GPC5: variants seen among roughly 807,000 people sequenced by gnomAD.
GPC5 encodes glypican 5, also known as glypican-5.
GPC5 carries 47 observed loss-of-function variants against 53.9 expected under a neutral mutation model. That is an observed-to-expected ratio of 0.87 (90% CI 0.69 to 1.11). The LOEUF (loss-of-function observed/expected upper bound fraction) is 1.11. Ranked by LOEUF, GPC5 falls within the 50% of genes most tolerant of loss-of-function variation. The pLI is 0.00. For missense variants in GPC5, 748 were observed against 713.1 expected (o/e 1.05, Z -0.56); for synonymous variants, 286 against 263.3 (o/e 1.09, Z -0.84).
chr13:91,727,714 T>C (rs1050874131), intron 3 of GPC5, among the ~76,000 whole-genome samples: 2 of 152,274 alleles, frequency 1.3e-5, no homozygotes, highest in Non-Finnish European at 2.9e-5. Flanking sequence ...TTTTAAGGTC[T>C]CAATATAAAG....
At chr13:91,468,533 C>G (rs1219707979) in intron 2 of GPC5, among the ~76,000 whole-genome samples, 1 of 152,142 alleles carries the variant, frequency 6.6e-6, no homozygotes, top group Admixed American at 6.6e-5. Context: ...GGAATGCCAT[C>G]TTCAAGTCAG....
At chr13:92,700,981 T>C (rs992172170) in intron 7 of GPC5, among the ~76,000 whole-genome samples, 1 of 152,110 alleles carries the variant, frequency 6.6e-6, no homozygotes, top group African/African-American at 2.4e-5. Flanking sequence ...GGTGATGAAA[T>C]TCACATGATA....
intron 7 of GPC5, among the ~76,000 whole-genome samples, chr13:92,751,302 T>TAAAAAA (rs1566400471): frequency 0.018 from 618 of 34,344 alleles, 84 homozygotes; most frequent in East Asian, 0.097. Flanking sequence ...CCAGAAACAT[T>TAAAAAA]TAAAAAAAAA....
At chr13:91,456,904 A>G (rs1292145488) in intron 2 of GPC5, among the ~76,000 whole-genome samples, 1 of 149,156 alleles carries the variant, frequency 6.7e-6, no homozygotes, top group African/African-American at 2.5e-5. Context: ...TATTATTTCT[A>G]TGCAGTAAAA....
Position 92,663,856 on chromosome 13 carries a change from CTATATA to C in GPC5, c.1562-202383_1562-202378del, listed in dbSNP as rs201565650. 3.8e-3 allele frequency among the ~76,000 whole-genome samples: 337 copies of C among 88,306 alleles called. 2 individuals are homozygous for C. The highest frequency in any genetic ancestry group is 0.013 in the African/African-American group (275 of 20,672). 57.9% of individuals were successfully genotyped at this position (88,306 alleles called of 152,430 possible). On this transcript the variant is annotated intron_variant, in intron 7 of 7. Coordinates refer to ENST00000377067, the MANE Select transcript of GPC5 (RefSeq NM_004466.6). Reference sequence around the variant, plus strand: ...CACTATATATATATACACACACACACTATATATATATATATATATATATATATATAT... The same window carrying C: ...CACTATATATATATACACACACACACTATATATATATATATATATATATAT...
At chr13:91,797,080 A>G (rs1163909877) in intron 5 of GPC5, among the ~76,000 whole-genome samples, 1 of 152,062 alleles carries the variant, frequency 6.6e-6, no homozygotes, top group African/African-American at 2.4e-5. Context: ...AGAGTCACAT[A>G]AATTATCTCA....
intron 7 of GPC5, among the ~76,000 whole-genome samples, chr13:92,748,038 G>A (rs757742084): frequency 3.3e-5 from 5 of 152,134 alleles, no homozygotes; most frequent in South Asian, 4.2e-4. Flanking sequence ...GGTAGTCTGT[G>A]AATTATATGA....
chr13:92,745,035 T>C (rs1408053648), intron 7 of GPC5, among the ~76,000 whole-genome samples: 3 of 152,048 alleles, frequency 2.0e-5, no homozygotes, highest in Admixed American at 6.6e-5. Context: ...AACTGTAAAA[T>C]TATAAAAAAT....
chr13:92,423,902 A>G (rs1353632922), intron 7 of GPC5, among the ~76,000 whole-genome samples: 2 of 152,172 alleles, frequency 1.3e-5, no homozygotes, highest in Non-Finnish European at 2.9e-5. Flanking sequence ...CGTTAAACAG[A>G]TAAAAATTTA....
chr13:92,387,816 A>G (rs773894146), intron 7 of GPC5, among the ~76,000 whole-genome samples: 1 of 152,140 alleles, frequency 6.6e-6, no homozygotes, highest in Non-Finnish European at 1.5e-5. Context: ...GGAGATAATT[A>G]TAACTTCTAA....
chr13:91,618,529 T>C (rs2033761968), intron 2 of GPC5, among the ~76,000 whole-genome samples: 1 of 152,114 alleles, frequency 6.6e-6, no homozygotes, highest in African/African-American at 2.4e-5. Context: ...GCCCGGTTCA[T>C]GTGCTTTGCT....
chr13:91,516,450 C>T (rs1566468689), intron 2 of GPC5, among the ~76,000 whole-genome samples: 1 of 152,248 alleles, frequency 6.6e-6, no homozygotes, highest in Admixed American at 6.5e-5. Context: ...CAAGTTCTCA[C>T]ATCCAGGTCA....
intron 7 of GPC5, among the ~76,000 whole-genome samples, chr13:92,417,606 C>T (rs1261714762): frequency 6.6e-6 from 1 of 152,114 alleles, no homozygotes; most frequent in Non-Finnish European, 1.5e-5. Context: ...GGTGTGGTGG[C>T]TCATGGTTGT....
intron 6 of GPC5, among the ~76,000 whole-genome samples, chr13:92,063,531 C>T (rs2041141090): frequency 6.6e-6 from 1 of 151,958 alleles, no homozygotes; most frequent in Non-Finnish European, 1.5e-5. Flanking sequence ...ATTATCTACT[C>T]CTACCATGCT....
Position 92,701,606 on chromosome 13 carries a change from A to C in GPC5, c.1562-164676A>C, listed in dbSNP as rs115983569. 117 of 152,250 alleles carry C rather than the reference A, an allele frequency of 7.7e-4. 1 individual carries two copies. The highest frequency in any genetic ancestry group is 2.5e-3 in the African/African-American group (105 of 41,560). 9.4% of individuals were successfully genotyped at this position (152,250 alleles called of 1,614,324 possible). On this transcript the variant is annotated intron_variant, in intron 7 of 7. Coordinates refer to ENST00000377067, the MANE Select transcript of GPC5 (RefSeq NM_004466.6). ...CAGCTGCATATTGATATGATTAGAC[A>C]TAAGAGCTATTAAGTATCACAGATT...
intron 7 of GPC5, among the ~76,000 whole-genome samples, chr13:92,694,520 T>G (rs545431127): frequency 2.8e-4 from 43 of 152,276 alleles, no homozygotes; most frequent in African/African-American, 1.0e-3. Context: ...GCTTTAAGAT[T>G]TAATGACTGC....
chr13:91,399,181 CAG>C lies in GPC5; in HGVS notation c.136_137del (p.Arg46GlyfsTer11), dbSNP rs1314231317. ...LFQWRLLGAV[R>X]GLPDSPRAGP... ...TCCAGTGGCGGCTGCTGGGAGCTGT[CAG>C]GGGGCTGCCGGATTCGCCGCGGGCA... On this transcript the variant is annotated frameshift_variant, in exon 1 of 8. Transcript: ENST00000377067. LOFTEE classifies it high-confidence loss of function. 9 of 1,612,448 alleles carry C rather than the reference CAG, an allele frequency of 5.6e-6. No individual in the cohort carries two copies. The highest frequency in any genetic ancestry group is 7.6e-6 in the Non-Finnish European group (9 of 1,179,686).
At chr13:91,434,546 G>C (rs540101387) in intron 1 of GPC5, among the ~76,000 whole-genome samples, 1 of 152,112 alleles carries the variant, frequency 6.6e-6, no homozygotes, top group Non-Finnish European at 1.5e-5. Flanking sequence ...GCTCTGTTCT[G>C]TTCCATTGGT....
At chr13:91,443,905 C>G (rs76059526) in intron 1 of GPC5, among the ~76,000 whole-genome samples, 5,297 of 152,254 alleles carry the variant, frequency 0.035, 138 homozygotes, top group Non-Finnish European at 0.051. Context: ...TTCAAGAATA[C>G]AGGATGGAAT....
Sources: gnomAD v4.1 joint callset for allele counts (sites outside exome capture counted in the v4.1 genomes callset) on GRCh38, gnomAD v4.1.1 for gene constraint, MANE v1.5 for transcripts, NCBI Gene and HGNC (gene_info 2026-07-23, HGNC 2026-07-21) for gene names.